MND1: variants seen among roughly 807,000 people sequenced by gnomAD.
MND1 encodes the protein meiotic nuclear division protein 1 homolog.
In MND1, 28 loss-of-function variants were observed where a neutral mutation model predicts 35.1. That is an observed-to-expected ratio of 0.80 (90% CI 0.59 to 1.09). The LOEUF (loss-of-function observed/expected upper bound fraction) is 1.09, where lower values mean the gene tolerates loss of function less well. Among genes scored for constraint, MND1 ranks in the 50% least tolerant of loss-of-function variants. MND1 has a pLI of 0.00. For missense variants in MND1, 213 were observed against 239.6 expected (o/e 0.89, Z 0.73); for synonymous variants, 69 against 70.5 (o/e 0.98, Z 0.11).
chr4:153,357,277 C>T (rs1773370042), intron 3 of MND1, among the ~76,000 whole-genome samples: 1 of 152,144 alleles, frequency 6.6e-6, no homozygotes, highest in Non-Finnish European at 1.5e-5. Context: ...ATTCTCTTTA[C>T]AGTCATCAGT....
chr4:153,355,387 T>G (rs1380188641), intron 2 of MND1, among the ~76,000 whole-genome samples: 1 of 152,102 alleles, frequency 6.6e-6, no homozygotes, highest in African/African-American at 2.4e-5. Context: ...AGGGTGACTA[T>G]AGTTAATAAT....
chr4:153,402,462 A>C (rs910387099), intron 6 of MND1, among the ~76,000 whole-genome samples: 14 of 152,244 alleles, frequency 9.2e-5, no homozygotes, highest in African/African-American at 2.7e-4. Flanking sequence ...AATTAACCAA[A>C]GGCTTACAGG....
At chr4:153,414,645 T>G in intron 7 of MND1, 106 bp from the exon 8 acceptor site, 1 of 501,686 alleles carries the variant, frequency 2.0e-6, no homozygotes, top group Non-Finnish European at 3.5e-6. Flanking sequence ...TATTTTGATA[T>G]ATCTGAAAGT....
chr4:153,398,596 C>T (rs1729263821), intron 6 of MND1, among the ~76,000 whole-genome samples: 1 of 152,156 alleles, frequency 6.6e-6, no homozygotes, highest in Non-Finnish European at 1.5e-5. Flanking sequence ...GCCACTGGTT[C>T]AGCTGATTAC....
intron 3 of MND1, among the ~76,000 whole-genome samples, chr4:153,357,763 G>C (rs997142672): frequency 6.6e-6 from 1 of 152,074 alleles, no homozygotes; most frequent in Non-Finnish European, 1.5e-5. Context: ...ATTCAATCCA[G>C]TCTACAAGAT....
intron 7 of MND1, among the ~76,000 whole-genome samples, chr4:153,409,315 C>A (rs868379382): frequency 9.9e-5 from 15 of 151,486 alleles, no homozygotes; most frequent in African/African-American, 3.6e-4. Flanking sequence ...CTTTCATATA[C>A]ATTAATGTAA....
At chr4:153,363,120 C>A in intron 4 of MND1, 1 of 515,078 alleles carries the variant, frequency 1.9e-6, no homozygotes. Context: ...ACCCTTCACA[C>A]CTGTTTTCCT....
At chr4:153,381,627 A>G (rs1728686637) in intron 4 of MND1, 1 of 120,352 alleles carries the variant, frequency 8.3e-6, no homozygotes, top group African/African-American at 3.2e-5. Flanking sequence ...TTCAGTATTC[A>G]TAACATCTCT....
At chr4:153,404,954 C>T (rs911641856) in intron 6 of MND1, among the ~76,000 whole-genome samples, 8 of 151,918 alleles carry the variant, frequency 5.3e-5, no homozygotes, top group African/African-American at 1.2e-4. Flanking sequence ...AGACTGGTCT[C>T]GAACTCCTGG....
At chr4:153,383,034 G>C (rs1728752741) in intron 4 of MND1, among the ~76,000 whole-genome samples, 1 of 152,196 alleles carries the variant, frequency 6.6e-6, no homozygotes, top group Non-Finnish European at 1.5e-5. Flanking sequence ...TAATTTTGCT[G>C]ATCTTTAGCA....
At chr4:153,350,965 AAAAACAAAC>A (rs1773202254) in intron 2 of MND1, among the ~76,000 whole-genome samples, 1 of 151,558 alleles carries the variant, frequency 6.6e-6, no homozygotes, top group African/African-American at 2.4e-5. Flanking sequence ...AAAAAAAAAA[AAAAACAAAC>A]AAAATACACG....
intron 6 of MND1, among the ~76,000 whole-genome samples, chr4:153,400,761 A>G (rs985911958): frequency 6.6e-6 from 1 of 152,176 alleles, no homozygotes; most frequent in African/African-American, 2.4e-5. Flanking sequence ...TGTCTGGCAT[A>G]CAAGCAAAGA....
At position 153,360,635 on chromosome 4, in the gene MND1, CAT is replaced by C. The variant is rs963316141; in HGVS notation, c.276+2019_276+2020del. ...ATATATATACACATAAAAATACACA[CAT>C]ATATACACAAAAATATATAAATATT... is the stretch of plus-strand genomic sequence containing the variant. On this transcript the variant is annotated intron_variant, in intron 4 of 7. Coordinates refer to ENST00000240488, the MANE Select transcript of MND1 (RefSeq NM_032117.4). Among the ~76,000 whole-genome samples the C allele has an allele frequency of 6.8e-4, 97 of 143,652 alleles. 1 individual carries two copies. Among genetic ancestry groups the C allele is most frequent in the African/African-American group, 2.3e-3 (90 of 39,156 alleles). The allele number at this position is 143,652 out of a possible 152,430, so 94.2% of individuals were successfully genotyped here. A position where few individuals can be genotyped will look rare whatever the true frequency, so the allele number is the denominator to read the frequency against.
At chr4:153,367,114 C>G (rs1009793037) in intron 4 of MND1, among the ~76,000 whole-genome samples, 2 of 152,170 alleles carry the variant, frequency 1.3e-5, no homozygotes, top group African/African-American at 2.4e-5. Context: ...CTCACCTTAT[C>G]TCTCTTTTTT....
intron 4 of MND1, among the ~76,000 whole-genome samples, chr4:153,373,657 C>T (rs537284465): frequency 1.6e-4 from 25 of 152,276 alleles, no homozygotes; most frequent in African/African-American, 4.6e-4. Context: ...AAAGCTTAAT[C>T]TGACACACCT....
At chr4:153,404,725 C>T (rs575982872) in intron 6 of MND1, among the ~76,000 whole-genome samples, 108 of 152,120 alleles carry the variant, frequency 7.1e-4, no homozygotes, top group African/African-American at 2.3e-3. Context: ...GTGATCTGCC[C>T]GCCTCGGCCT....
chr4:153,369,899 C>A (rs1773748738), intron 4 of MND1, among the ~76,000 whole-genome samples: 1 of 152,076 alleles, frequency 6.6e-6, no homozygotes, highest in African/African-American at 2.4e-5. Flanking sequence ...TATTCTAAAT[C>A]CTTTGTTGCC....
chr4:153,381,953 G>A (rs1579929606), intron 4 of MND1: 1 of 151,580 alleles, frequency 6.6e-6, no homozygotes, highest in East Asian at 1.9e-4. Context: ...AGAACTCCTG[G>A]CCTTAAGCGC....
At position 153,374,820 on chromosome 4, in the gene MND1, C is replaced by T. The variant is rs544682319; in HGVS notation, c.276+16198C>T. On this transcript the variant is annotated intron_variant, in intron 4 of 7. Transcript: ENST00000240488. Reference sequence around the variant, plus strand: ...CTATAAGCCTCATGGTTATAATTAACGTTTCTCTTTAACGTCTTCTAAGAT... The same window carrying T: ...CTATAAGCCTCATGGTTATAATTAATGTTTCTCTTTAACGTCTTCTAAGAT... Among the ~76,000 whole-genome samples the T allele has an allele frequency of 5.9e-5, 9 of 152,106 alleles. No homozygotes were observed. The East Asian group carries it at 1.5e-3, about 26-fold the overall frequency.
Sources: allele counts gnomAD v4.1 joint callset (sites outside exome capture counted in the v4.1 genomes callset), GRCh38; gene constraint gnomAD v4.1.1; transcripts MANE v1.5; gene names NCBI Gene and HGNC (gene_info 2026-07-23, HGNC 2026-07-21).